Variants in HOXA3 observed in about 807,000 individuals in gnomAD.
HOXA3 encodes the protein homeobox protein Hox-A3.
HOXA3 carries 8 observed loss-of-function variants against 30.3 expected under a neutral mutation model. The ratio of observed to expected loss-of-function variants is 0.26; its 90% confidence interval spans 0.15 to 0.48. The LOEUF (loss-of-function observed/expected upper bound fraction) is 0.48, where lower values mean the gene tolerates loss of function less well. Among genes scored for constraint, HOXA3 ranks in the 20% least tolerant of loss-of-function variants. The pLI is 0.99. For synonymous variants in HOXA3, 323 were observed against 273.1 expected, an observed-to-expected ratio of 1.18 and a Z score of -1.80; for missense variants, 653 against 614.4, an observed-to-expected ratio of 1.06 and a Z score of -0.66.
chr7:27,140,031 G>A (rs905985758), intron 2 of HOXA3, 52 bp downstream of exon 2: 1 of 135,666 alleles, frequency 7.4e-6, no homozygotes, highest in African/African-American at 2.7e-5. Context: ...GAGAGAGAGA[G>A]AAAGTTTCCA....
chr7:27,133,854 C>T (rs1311466537), intron 2 of HOXA3, among the ~76,000 whole-genome samples: 5 of 152,206 alleles, frequency 3.3e-5, no homozygotes, highest in Non-Finnish European at 2.9e-5. Context: ...TTTGTTAAAT[C>T]ACAAGGCGCG....
chr7:27,143,722 T>C (rs895223419), intron 1 of HOXA3: 2 of 1,448,438 alleles, frequency 1.4e-6, no homozygotes, highest in Admixed American at 2.8e-5. Context: ...CTTGGTTCCC[T>C]CCTACGTAGG....
intron 2 of HOXA3, chr7:27,129,524 A>C: frequency 1.9e-6 from 3 of 1,614,072 alleles, no homozygotes; most frequent in Middle Eastern, 1.6e-4. Context: ...TGCCGGGTGT[A>C]GGCGGTTCGA....
chr7:27,149,785 C>T (rs916602712), intron 1 of HOXA3, among the ~76,000 whole-genome samples: 1 of 152,168 alleles, frequency 6.6e-6, no homozygotes, highest in Admixed American at 6.5e-5. Context: ...TGAAGAAAAA[C>T]ATGTTTGTGT....
intron 1 of HOXA3, among the ~76,000 whole-genome samples, chr7:27,146,986 G>A (rs1387444445): frequency 6.6e-6 from 1 of 152,122 alleles, no homozygotes; most frequent in African/African-American, 2.4e-5. Context: ...TACTCAGGGT[G>A]CATGGACAGG....
At chr7:27,140,032 A>AGAGAGAGAGAGAGAGAGAGAGAG (rs768977757) in intron 2 of HOXA3, 51 bp downstream of exon 2, 48 of 138,190 alleles carry the variant, frequency 3.5e-4, no homozygotes, top group African/African-American at 8.1e-4. Flanking sequence ...AGAGAGAGAG[A>AGAGAGAGAGAGAGAGAGAGAGAG]AAGTTTCCAA....
In HOXA3 at chr7:27,107,026, CTTTA is replaced by C. The variant is rs1319926888; in HGVS notation, c.*885_*888del. On this transcript the variant is annotated 3_prime_UTR_variant, in exon 6 of 6. Transcript: ENST00000612286. The stretch of plus-strand genomic sequence containing the variant: ...ACACGGATATTATTCAGAATAAAAA[CTTTA>C]TTTCTTTTTGTTTCTCAGAATGTGA... 1.3e-5 allele frequency: 2 copies of C among 152,614 alleles called. No individual in the cohort carries two copies. Among genetic ancestry groups the C allele is most frequent in the African/African-American group, 2.4e-5 (1 of 41,450 alleles). 9.5% of individuals were successfully genotyped at this position (152,614 alleles called of 1,614,324 possible).
chr7:27,125,622 A>C (rs1190020757), intron 3 of HOXA3, among the ~76,000 whole-genome samples: 1 of 152,258 alleles, frequency 6.6e-6, no homozygotes, highest in African/African-American at 2.4e-5. Context: ...GCAACACAGC[A>C]GCAGTTGAGA....
intron 2 of HOXA3, chr7:27,129,069 CG>C (rs1411488133): frequency 2.9e-6 from 2 of 696,390 alleles, no homozygotes; most frequent in African/African-American, 3.5e-5. Flanking sequence ...GACTCTTAAC[CG>C]GATAATGTCT....
At position 27,107,862 on chromosome 7, in the gene HOXA3, G is replaced by C; in HGVS notation, c.*53C>G. The C allele has an allele frequency of 6.5e-6, 5 of 771,586 alleles. No homozygotes were observed. Among genetic ancestry groups the C allele is most frequent in the Non-Finnish European group, 9.3e-6 (5 of 539,402 alleles). The allele number at this position is 771,586 out of a possible 1,614,324, so 47.8% of individuals were successfully genotyped here. The stretch of plus-strand genomic sequence containing the variant: ...AAAAAAAAAAAAAAAAGCAACCAAA[G>C]AAAAAAGGTGGGTGGGGGGAGACTC... On this transcript the variant is annotated 3_prime_UTR_variant, in exon 6 of 6. Transcript: ENST00000612286.
intron 3 of HOXA3, among the ~76,000 whole-genome samples, chr7:27,125,386 C>G (rs1046966271): frequency 1.3e-5 from 2 of 152,214 alleles, no homozygotes; most frequent in Non-Finnish European, 2.9e-5. Flanking sequence ...GAAAGTAGGG[C>G]TGGCTTGAAA....
intron 1 of HOXA3, among the ~76,000 whole-genome samples, chr7:27,146,250 TTTG>T (rs1562731500): frequency 2.9e-3 from 258 of 88,294 alleles, no homozygotes; most frequent in African/African-American, 0.01. Flanking sequence ...TGTGTGTGTG[TTTG>T]TGTGTGTGTG....
intron 3 of HOXA3, chr7:27,123,130 G>A (rs565338498): frequency 1.9e-4 from 29 of 152,358 alleles, no homozygotes; most frequent in African/African-American, 7.0e-4. Context: ...TCACTAATAT[G>A]TGTTCATTTC....
rs777978952 is a variant in HOXA3 at position 27,110,309 on chromosome 7, G to A, written c.332C>T (p.Pro111Leu). The part of the protein sequence containing the change: ...APQPPQPAPQ[P>L]PAPTPAAPPP... ...GGGCGCGGCAGGGGTAGGTGCAGGG[G>A]GCTGAGGTGCGGGCTGAGGCGGCTG... Residue 111 changes from proline to leucine, a missense_variant, in exon 5 of 6, where the codon CCC becomes CTC. Transcript: ENST00000612286. 21 of 1,562,684 alleles carry A rather than the reference G, an allele frequency of 1.3e-5. No individual in the cohort carries two copies. The African/African-American group carries it at 2.8e-4, about 21-fold the overall frequency.
intron 1 of HOXA3, chr7:27,143,096 G>T: frequency 6.4e-7 from 1 of 1,563,554 alleles, no homozygotes; most frequent in African/African-American, 1.4e-5. Context: ...GGGTTGGGCG[G>T]GCGGCGCCGG....
At chr7:27,132,988 G>A (rs545653955) in intron 2 of HOXA3, among the ~76,000 whole-genome samples, 6 of 152,234 alleles carry the variant, frequency 3.9e-5, no homozygotes, top group East Asian at 1.9e-4. Flanking sequence ...AAGTATTAAC[G>A]AGACATAAAC....
chr7:27,116,333 CG>C (rs1309095743), intron 4 of HOXA3: 3 of 152,682 alleles, frequency 2.0e-5, no homozygotes, highest in Non-Finnish European at 4.4e-5. Context: ...GCTGTGCAGC[CG>C]GGGAGGAAGG....
intron 1 of HOXA3, chr7:27,145,445 A>AGGTTTGGTTT (rs753243931): frequency 5.7e-6 from 3 of 521,834 alleles, no homozygotes; most frequent in Admixed American, 3.8e-5. Flanking sequence ...GCTGTGTGTG[A>AGGTTTGGTTT]GGTTTTGTTT....
intron 1 of HOXA3, chr7:27,145,561 G>T: frequency 6.8e-7 from 1 of 1,476,694 alleles, no homozygotes; most frequent in Non-Finnish European, 9.1e-7. Flanking sequence ...GAAGCCCCCA[G>T]ATGGGAGCAG....
Sources: gnomAD v4.1 joint callset for allele counts (sites outside exome capture counted in the v4.1 genomes callset) on GRCh38, gnomAD v4.1.1 for gene constraint, MANE v1.5 for transcripts, NCBI Gene and HGNC (gene_info 2026-07-23, HGNC 2026-07-21) for gene names.